Variants in WNK1 observed in about 807,000 individuals in gnomAD.
WNK1 encodes the protein serine/threonine-protein kinase WNK1.
A neutral mutation model predicts 222.8 loss-of-function variants in WNK1; 38 were observed. The observed-to-expected ratio is 0.17, with a 90% confidence interval of 0.13 to 0.22. WNK1 has a LOEUF of 0.22. WNK1 is among the 10% of genes least tolerant of loss of function. The pLI is 1.00. For missense variants in WNK1, 2,348 were observed against 2,918.4 expected (o/e 0.80, Z 4.50); for synonymous variants, 1,090 against 1,092.9 (o/e 1.00, Z 0.05).
chr12:875,900 A>AT (rs1952567343), intron 9 of WNK1, among the ~76,000 whole-genome samples: 1 of 152,212 alleles, frequency 6.6e-6, no homozygotes, highest in Admixed American at 6.5e-5. Context: ...TAGATATCTC[A>AT]TTCACATTCC....
intron 8 of WNK1, among the ~76,000 whole-genome samples, chr12:864,123 T>TTTTTTTTTTTTTTC (rs71051398): frequency 6.8e-6 from 1 of 147,216 alleles, no homozygotes; most frequent in South Asian, 2.2e-4. Context: ...TTTTTTTTTT[T>TTTTTTTTTTTTTTC]TTTTGACAGC....
intron 1 of WNK1, among the ~76,000 whole-genome samples, chr12:772,274 G>A (rs906656145): frequency 6.6e-6 from 1 of 152,142 alleles, no homozygotes. Context: ...TGTTTTTATA[G>A]TTATCGTTAT....
chr12:768,359 C>T (rs553138992), intron 1 of WNK1, among the ~76,000 whole-genome samples: 1 of 152,150 alleles, frequency 6.6e-6, no homozygotes, highest in Non-Finnish European at 1.5e-5. Flanking sequence ...TGGCCTAGAA[C>T]TCCTGACTTC....
At chr12:805,993 C>T (rs1591785914) in intron 1 of WNK1, among the ~76,000 whole-genome samples, 1 of 152,262 alleles carries the variant, frequency 6.6e-6, no homozygotes, top group Middle Eastern at 3.4e-3. Context: ...CTAACTTCTC[C>T]TGATGACTTC....
chr12:866,803 A>C (rs73025460), intron 8 of WNK1, among the ~76,000 whole-genome samples: 195 of 152,332 alleles, frequency 1.3e-3, no homozygotes, highest in Admixed American at 2.8e-3. Context: ...TCAGTTGATT[A>C]GAACACCAGG....
intron 8 of WNK1, among the ~76,000 whole-genome samples, chr12:866,651 C>T (rs571578687): frequency 3.9e-5 from 6 of 152,242 alleles, no homozygotes; most frequent in East Asian, 3.9e-4. Flanking sequence ...TGAGCCACCG[C>T]GCCCAGCGGG....
At position 753,591 on chromosome 12, in the gene WNK1, A is replaced by G; in HGVS notation, c.26A>G (p.Gln9Arg). The G allele has an allele frequency of 6.2e-7, 1 of 1,612,658 alleles. No homozygotes were observed. Among genetic ancestry groups the G allele is most frequent in the Admixed American group, 1.7e-5 (1 of 60,018 alleles). Reference protein sequence around the residue: MSGGAAEKQSSTPGSLFLS... With the variant: MSGGAAEKRSSTPGSLFLS... Reference sequence around the variant, plus strand: ...ATGTCTGGCGGCGCCGCAGAGAAGCAGAGCAGCACTCCCGGTTCCCTGTTC... The same window carrying G: ...ATGTCTGGCGGCGCCGCAGAGAAGCGGAGCAGCACTCCCGGTTCCCTGTTC... The change falls in exon 1 of 28, where the codon CAG becomes CGG. Residue 9 changes from glutamine (Q) to arginine (R), a missense_variant. Physicochemically the swap from Gln to Arg is conservative, Grantham distance 43 (BLOSUM62 1). Coordinates refer to ENST00000315939, the MANE Select transcript of WNK1 (RefSeq NM_018979.4). This position sits in a 1 kb window ranked among gnomAD's most constrained non-coding sequence, Gnocchi z 5.2.
At chr12:868,377 A>G in intron 8 of WNK1, 1 of 1,613,972 alleles carries the variant, frequency 6.2e-7, no homozygotes, top group Admixed American at 1.7e-5. Flanking sequence ...CAGATACCTG[A>G]ACAGAAGCCA....
intron 9 of WNK1, among the ~76,000 whole-genome samples, chr12:876,340 C>T (rs1565562876): frequency 2.0e-5 from 3 of 152,026 alleles, no homozygotes; most frequent in East Asian, 3.9e-4. Context: ...ACCTGGGAGG[C>T]GGAACTTGCA....
At chr12:878,112 C>G (rs1952791451) in intron 9 of WNK1, 100 bp from the exon 10 acceptor site, 1 of 1,459,392 alleles carries the variant, frequency 6.9e-7, no homozygotes, top group Non-Finnish European at 9.6e-7. Flanking sequence ...CTAAAATCAT[C>G]ATTATTTACA....
intron 9 of WNK1, among the ~76,000 whole-genome samples, chr12:874,237 TG>T (rs1952420596): frequency 6.6e-6 from 1 of 152,142 alleles, no homozygotes; most frequent in South Asian, 2.1e-4. Context: ...GAGGCAAGCT[TG>T]GGCAGAGCAT....
At chr12:773,462 T>C (rs904977294) in intron 1 of WNK1, among the ~76,000 whole-genome samples, 2 of 152,196 alleles carry the variant, frequency 1.3e-5, no homozygotes, top group African/African-American at 4.8e-5. Flanking sequence ...TAAAAGGAAC[T>C]ACTTCCCAAT....
chr12:837,456 C>A (rs1292060589), intron 4 of WNK1, among the ~76,000 whole-genome samples: 2 of 151,528 alleles, frequency 1.3e-5, no homozygotes, highest in Non-Finnish European at 2.9e-5. Flanking sequence ...CGCCTGTAAT[C>A]CCAGCTACTA....
In WNK1 at chr12:865,236, C is replaced by T. The variant is rs1951561011; in HGVS notation, c.2139+2966C>T. On this transcript the variant is annotated intron_variant, in intron 8 of 27. Transcript: ENST00000315939. ...TGTCTGCACCTCTTTCTCCTTCCCT[C>T]CTCCGGACTGCCCCGAGGAAACTTT... The T allele has an allele frequency of 2.6e-6, 4 of 1,536,114 alleles. No homozygotes were observed. The highest frequency in any genetic ancestry group is 3.5e-6 in the Non-Finnish European group (4 of 1,146,882).
At position 866,846 on chromosome 12, in the gene WNK1, G is replaced by A. The variant is rs184323106; in HGVS notation, c.2140-4419G>A. ...AATCAGAAAATTCATGGTTACGGCC[G>A]GGCTCAGTGGCTCACGCCTGTAATC... On this transcript the variant is annotated intron_variant, in intron 8 of 27. Coordinates refer to ENST00000315939, the MANE Select transcript of WNK1 (RefSeq NM_018979.4). Among the ~76,000 whole-genome samples, 605 of 152,220 alleles carry A rather than the reference G, an allele frequency of 4.0e-3. 2 individuals carry two copies. Among genetic ancestry groups the A allele is most frequent in the Non-Finnish European group, 6.9e-3 (472 of 68,004 alleles).
intron 1 of WNK1, among the ~76,000 whole-genome samples, chr12:812,065 C>A (rs562874159): frequency 6.6e-6 from 1 of 151,986 alleles, no homozygotes; most frequent in Non-Finnish European, 1.5e-5. Flanking sequence ...CAAAGAAGTC[C>A]CCCGTTTTTT....
rs1030378354 is a variant in WNK1 at position 910,672 on chromosome 12, A to AC, written c.*1881dup. ...TGAAAATATTTCCAACCTTTTACCCACGTCAATGGCATATTCTGGGAATCA... is the reference window on the plus strand; with the variant it reads ...TGAAAATATTTCCAACCTTTTACCCACCGTCAATGGCATATTCTGGGAATCA... On this transcript the variant is annotated 3_prime_UTR_variant, in exon 28 of 28. Coordinates refer to ENST00000315939, the MANE Select transcript of WNK1 (RefSeq NM_018979.4). 2 of 152,346 alleles carry AC rather than the reference A, an allele frequency of 1.3e-5. No homozygotes were observed. The highest frequency in any genetic ancestry group is 2.9e-5 in the Non-Finnish European group (2 of 68,166). The allele number at this position is 152,346 out of a possible 1,614,324, so 9.4% of individuals were successfully genotyped here. A position where few individuals can be genotyped will look rare whatever the true frequency, so the allele number is the denominator to read the frequency against.
chr12:867,777 A>T, intron 8 of WNK1: 1 of 1,390,796 alleles, frequency 7.2e-7, no homozygotes, highest in Non-Finnish European at 1.0e-6. Context: ...ACCATTTCAT[A>T]GGGTTACACA....
In WNK1 at chr12:873,473, G is replaced by A. The variant is rs536499539; in HGVS notation, c.2223+2125G>A. On this transcript the variant is annotated intron_variant, in intron 9 of 27. Coordinates refer to ENST00000315939, the MANE Select transcript of WNK1 (RefSeq NM_018979.4). ...TTTAGATACTTTTATAGCATGTGTT[G>A]TAGAATCACAAAATTGAGCCCTCGA... Among the ~76,000 whole-genome samples, 67 of 152,224 alleles carry A rather than the reference G, an allele frequency of 4.4e-4. 1 individual carries two copies. The highest frequency in any genetic ancestry group is 6.8e-3 in the Middle Eastern group (2 of 294).
Sources: allele counts gnomAD v4.1 joint callset (sites outside exome capture counted in the v4.1 genomes callset), GRCh38; gene constraint gnomAD v4.1.1; non-coding constraint Gnocchi (gnomAD v3.1); transcripts MANE v1.5; gene names NCBI Gene and HGNC (gene_info 2026-07-23, HGNC 2026-07-21).